Variants in ANKRD31 observed in about 807,000 individuals in gnomAD.
ANKRD31 encodes ankyrin repeat domain 31.
A neutral mutation model predicts 186.0 loss-of-function variants in ANKRD31; 147 were observed. That is an observed-to-expected ratio of 0.79 (90% confidence interval 0.69 to 0.91). The LOEUF (loss-of-function observed/expected upper bound fraction) is 0.91. Among genes scored for constraint, ANKRD31 ranks in the 40% least tolerant of loss-of-function variants. ANKRD31 has a pLI of 0.00. For synonymous variants in ANKRD31, 673 were observed against 736.4 expected (o/e 0.91, Z 1.39); for missense variants, 1,986 against 2,148.8 (o/e 0.92, Z 1.50).
chr5:75,136,105 A>G (rs1750552774), intron 17 of ANKRD31, among the ~76,000 whole-genome samples: 1 of 152,240 alleles, frequency 6.6e-6, no homozygotes, highest in Admixed American at 6.5e-5. Context: ...AGGCATGGGC[A>G]AGGACTTCAT....
At position 75,091,301 on chromosome 5, in the gene ANKRD31, C is replaced by A. The variant is rs2150031392; in HGVS notation, c.5432G>T (p.Gly1811Val). The change falls in exon 23 of 26, where the codon GGA becomes GTA. Residue 1811 changes from glycine (G) to valine (V), a missense_variant. Transcript: ENST00000506364. ...NPVTWLKDLL[G>V]GNSYVTWNYA... ...ATTCCAGGTCACATAACTGTTGCCT[C>A]CCAGAAGATCCTTGAGCCAGGTGAC... is the stretch of plus-strand genomic sequence containing the variant. 2 of 1,537,114 alleles carry A rather than the reference C, an allele frequency of 1.3e-6. No homozygotes were observed. Among genetic ancestry groups the A allele is most frequent in the South Asian group, 2.4e-5 (2 of 84,040 alleles).
rs953869502 is a variant in ANKRD31 at position 75,177,891 on chromosome 5, C to T, written c.1565-8770G>A. 7.9e-5 allele frequency among the ~76,000 whole-genome samples: 12 copies of T among 152,176 alleles called. No homozygotes were observed. In the South Asian group the frequency reaches 1.9e-3, roughly 24 times the overall value. ...CAAATTCAGACATAACAATATTAAC[C>T]TTAAATGTAAATGGGCTAAATGCTC... On this transcript the variant is annotated intron_variant, in intron 10 of 25. Coordinates refer to ENST00000506364, the MANE Select transcript of ANKRD31 (RefSeq NM_001372053.1).
rs574060054 is a variant in ANKRD31, at chr5:75,193,178, A to G, written c.1298+133T>C. 13 of 1,135,242 alleles carry G rather than the reference A, an allele frequency of 1.1e-5. No individual in the cohort carries two copies. In the African/African-American group the frequency reaches 1.4e-4, roughly 12 times the overall value. The allele number at this position is 1,135,242 out of a possible 1,614,324, so 70.3% of individuals were successfully genotyped here. ...GGCACTGATCAAAAACTGCAAAATA[A>G]AAAAGCAATAATATAAAAAATAAAG... is the stretch of plus-strand genomic sequence containing the variant. On this transcript the variant is annotated intron_variant, in intron 8 of 25. Coordinates refer to ENST00000506364, the MANE Select transcript of ANKRD31 (RefSeq NM_001372053.1).
Position 75,195,681 on chromosome 5 carries a change from C to G in ANKRD31, c.967G>C (p.Val323Leu). 1 of 1,537,088 alleles carries G rather than the reference C, an allele frequency of 6.5e-7. No individual in the cohort carries two copies. The highest frequency in any genetic ancestry group is 8.7e-7 in the Non-Finnish European group (1 of 1,146,664). Residue 323 changes from valine (V) to leucine (L), a missense_variant, in exon 7 of 26, where the codon GTG (valine) becomes CTG (leucine). Coordinates refer to ENST00000506364, the MANE Select transcript of ANKRD31 (RefSeq NM_001372053.1). ...TTGGTCTGAGACGTATTGAACTCCA[C>G]TTCTAAACATTCATTTCTGGCAATG... ...SLIARNECLE[V>L]EFNTSQTNED... is the part of the protein sequence containing the mutation.
chr5:75,193,215 G>C, intron 8 of ANKRD31, 96 bp downstream of exon 8: 1 of 1,313,904 alleles, frequency 7.6e-7, no homozygotes, highest in Non-Finnish European at 1.0e-6. Flanking sequence ...TCTTTCCCCT[G>C]TGTTAACTGT....
At chr5:75,155,433 T>A (rs949539845) in intron 11 of ANKRD31, among the ~76,000 whole-genome samples, 28 of 152,298 alleles carry the variant, frequency 1.8e-4, no homozygotes, top group Middle Eastern at 3.4e-3. Flanking sequence ...TTTCAGCAGC[T>A]AAGCAATAGT....
At chr5:75,142,505 C>G (rs1410040963) in intron 15 of ANKRD31, among the ~76,000 whole-genome samples, 1 of 152,090 alleles carries the variant, frequency 6.6e-6, no homozygotes, top group East Asian at 1.9e-4. Context: ...CTTTTCTATA[C>G]CTTTTTGGAA....
chr5:75,146,858 A>G lies in ANKRD31; in HGVS notation c.2553T>C (p.Val851=). 1 of 1,536,376 alleles carries G rather than the reference A, an allele frequency of 6.5e-7. No homozygotes were observed. Among genetic ancestry groups the G allele is most frequent in the Non-Finnish European group, 8.7e-7 (1 of 1,146,318 alleles). The change falls in exon 14 of 26, where the codon GTT becomes GTC. Residue 851 remains valine (V), a synonymous_variant. Transcript: ENST00000506364. ...GAGTGTGAGGCTGCTTATCTGTAGT[A>G]ACAACTGGTAACTTGATTTCTTTAT... ...LLHKEIKLPV[V]TTDKQPHTLQ...
chr5:75,159,750 T>C (rs958018680), intron 11 of ANKRD31, among the ~76,000 whole-genome samples: 7 of 151,442 alleles, frequency 4.6e-5, no homozygotes, highest in Non-Finnish European at 1.0e-4. Context: ...TGAAAGCAAG[T>C]GACAATAACT....
At position 75,199,678 on chromosome 5, in the gene ANKRD31, G is replaced by T; in HGVS notation, c.404-4C>A. 2 of 1,530,246 alleles carry T rather than the reference G, an allele frequency of 1.3e-6. No homozygotes were observed. The highest frequency in any genetic ancestry group is 1.2e-5 in the South Asian group (1 of 83,326). The allele number at this position is 1,530,246 out of a possible 1,614,324, so 94.8% of individuals were successfully genotyped here. A position where few individuals can be genotyped will look rare whatever the true frequency, so the allele number is the denominator to read the frequency against. Reference sequence around the variant, plus strand: ...TCAGGACTTTCAGCCTCTGGCCCTAGAAAAAAACAATGTGTTTTCATTCCA... The same window carrying T: ...TCAGGACTTTCAGCCTCTGGCCCTATAAAAAAACAATGTGTTTTCATTCCA... On this transcript the variant is annotated splice_region_variant and splice_polypyrimidine_tract_variant and intron_variant, in intron 5 of 25. Transcript: ENST00000506364.
chr5:75,123,429 GA>G (rs2150093503), intron 17 of ANKRD31, among the ~76,000 whole-genome samples: 2 of 151,946 alleles, frequency 1.3e-5, no homozygotes, highest in South Asian at 2.1e-4. Context: ...CACAGAATGA[GA>G]AAAAAACCAT....
chr5:75,137,737 G>T (rs1750706498), intron 17 of ANKRD31, 119 bp downstream of exon 17: 3 of 939,414 alleles, frequency 3.2e-6, no homozygotes, highest in Non-Finnish European at 4.3e-6. Flanking sequence ...TTTGAAGCAG[G>T]TTTTAAAAAA....
chr5:75,184,753 G>A (rs551079972), intron 10 of ANKRD31, among the ~76,000 whole-genome samples: 14 of 152,174 alleles, frequency 9.2e-5, no homozygotes, highest in Non-Finnish European at 1.6e-4. Flanking sequence ...GAACCTTTAC[G>A]CTTTTGGTGG....
At chr5:75,182,037 T>C (rs1219990797) in intron 10 of ANKRD31, among the ~76,000 whole-genome samples, 1 of 152,144 alleles carries the variant, frequency 6.6e-6, no homozygotes, top group Non-Finnish European at 1.5e-5. Flanking sequence ...GATTTCAAGA[T>C]GGATAGATAT....
chr5:75,231,408 AC>A (rs1757943585), intron 1 of ANKRD31, among the ~76,000 whole-genome samples: 1 of 152,052 alleles, frequency 6.6e-6, no homozygotes, highest in Non-Finnish European at 1.5e-5. Context: ...TTTACTTCTT[AC>A]TATGTTCAAG....
chr5:75,138,506 GAGA>G (rs966205042), intron 16 of ANKRD31, among the ~76,000 whole-genome samples: 15 of 152,132 alleles, frequency 9.9e-5, no homozygotes, highest in East Asian at 1.9e-4. Context: ...GAGGAGAAAA[GAGA>G]AGAAGGGATA....
At chr5:75,215,124 G>A (rs1756887687) in intron 3 of ANKRD31, among the ~76,000 whole-genome samples, 1 of 152,178 alleles carries the variant, frequency 6.6e-6, no homozygotes, top group African/African-American at 2.4e-5. Context: ...AAGGCCAGCA[G>A]GAAATCATCC....
intron 23 of ANKRD31, 111 bp from the exon 24 acceptor site, chr5:75,084,485 G>A: frequency 1.2e-6 from 1 of 848,580 alleles, no homozygotes; most frequent in Non-Finnish European, 1.9e-6. Context: ...GTATGTTGTG[G>A]ATTAGCAAGC....
Position 75,068,637 on chromosome 5 carries a change from C to T in ANKRD31, c.5675G>A (p.Ser1892Asn). 2.6e-6 allele frequency: 4 copies of T among 1,518,736 alleles called. No homozygotes were observed. The highest frequency in any genetic ancestry group is 3.5e-6 in the Non-Finnish European group (4 of 1,139,492). The allele number at this position is 1,518,736 out of a possible 1,614,324, so 94.1% of individuals were successfully genotyped here. A position where few individuals can be genotyped will look rare whatever the true frequency, so the allele number is the denominator to read the frequency against. ...TTCATTTATTTGTAGATAACGTGGG[C>T]TGCTTTGCATTGACTCTCTGGAAGT... Reference protein sequence around the residue: ...QGTSRESMQSSPRYLQINEIL... With the variant: ...QGTSRESMQSNPRYLQINEIL... Residue 1892 changes from serine to asparagine, a missense_variant, in exon 26 of 26, where the codon AGC becomes AAC. Ser to Asn is a conservative substitution (Grantham distance 46, BLOSUM62 1). Coordinates refer to ENST00000506364, the MANE Select transcript of ANKRD31 (RefSeq NM_001372053.1).
Sources: allele counts gnomAD v4.1 joint callset (sites outside exome capture counted in the v4.1 genomes callset), GRCh38; gene constraint gnomAD v4.1.1; transcripts MANE v1.5; gene names NCBI Gene and HGNC (gene_info 2026-07-23, HGNC 2026-07-21).